UNC13C: variants seen among roughly 807,000 people sequenced by gnomAD.
UNC13C encodes unc-13 homolog C.
UNC13C carries 174 observed loss-of-function variants against 245.4 expected under a neutral mutation model. The observed-to-expected ratio is 0.71, with a 90% CI of 0.63 to 0.80. The LOEUF (loss-of-function observed/expected upper bound fraction) is 0.80, where lower values mean the gene tolerates loss of function less well. Among genes scored for constraint, UNC13C ranks in the 30% least tolerant of loss-of-function variants. UNC13C has a pLI of 0.00. For synonymous variants in UNC13C, 992 were observed against 895.1 expected (o/e 1.11, Z -1.93); for missense variants, 2,829 against 2,602.9 (o/e 1.09, Z -1.89).
chr15:54,092,313 T>G (rs1040594086), intron 2 of UNC13C, among the ~76,000 whole-genome samples: 1 of 152,220 alleles, frequency 6.6e-6, no homozygotes. Flanking sequence ...AGTTTGTTTT[T>G]GGGCTGATAG....
intron 4 of UNC13C, among the ~76,000 whole-genome samples, chr15:54,208,148 T>C (rs191321578): frequency 4.6e-5 from 7 of 151,960 alleles, no homozygotes; most frequent in African/African-American, 7.2e-5. Context: ...AGGAAAAAGA[T>C]AGAAAGAGGA....
intron 10 of UNC13C, among the ~76,000 whole-genome samples, chr15:54,276,515 A>T (rs1299073103): frequency 1.3e-5 from 2 of 152,114 alleles, no homozygotes; most frequent in African/African-American, 2.4e-5. Flanking sequence ...ACAGTGTTCA[A>T]CACATCTAAA....
intron 19 of UNC13C, among the ~76,000 whole-genome samples, chr15:54,477,865 A>C (rs1027855594): frequency 6.7e-6 from 1 of 148,908 alleles, no homozygotes; most frequent in Non-Finnish European, 1.5e-5. Context: ...TATTGATTGG[A>C]ATAGTTTCAG....
intron 4 of UNC13C, among the ~76,000 whole-genome samples, chr15:54,155,685 T>A (rs2032714271): frequency 6.6e-6 from 1 of 152,210 alleles, no homozygotes; most frequent in Non-Finnish European, 1.5e-5. Flanking sequence ...CAATATGGGA[T>A]AAAGAGTAAT....
chr15:54,370,587 C>T (rs571847993), intron 17 of UNC13C, among the ~76,000 whole-genome samples: 5 of 152,210 alleles, frequency 3.3e-5, no homozygotes, highest in East Asian at 3.9e-4. Flanking sequence ...TCCTGCCTCT[C>T]GACTTTCAGA....
rs552476646 is a variant in UNC13C at position 54,021,706 on chromosome 15, G to A, written c.2983+5820G>A. On this transcript the variant is annotated intron_variant, in intron 2 of 32. Coordinates refer to ENST00000260323, the MANE Select transcript of UNC13C (RefSeq NM_001080534.3). ...TCAATTCCTTTGGATATGCAGCCCT[G>A]AGATGCGTAATGACACTTCAGTTGA... is the stretch of plus-strand genomic sequence containing the variant. Among the ~76,000 whole-genome samples the A allele has an allele frequency of 7.2e-5, 11 of 152,298 alleles. 1 individual carries two copies. The South Asian group carries it at 1.7e-3, about 23-fold the overall frequency.
the UNC13C span, among the ~76,000 whole-genome samples, chr15:53,878,763 G>T: frequency 6.6e-6 from 1 of 152,088 alleles, no homozygotes; most frequent in Non-Finnish European, 1.5e-5. Flanking sequence ...ATCACTAAAG[G>T]AAGAAACAAC....
At position 54,118,147 on chromosome 15, in the gene UNC13C, G is replaced by A. The variant is rs150032614; in HGVS notation, c.2984-24871G>A. Among the ~76,000 whole-genome samples, 31 of 151,352 alleles carry A rather than the reference G, an allele frequency of 2.0e-4. 1 individual carries two copies. Among genetic ancestry groups the A allele is most frequent in the African/African-American group, 7.3e-4 (30 of 41,336 alleles). On this transcript the variant is annotated intron_variant, in intron 2 of 32. Transcript: ENST00000260323. Reference sequence around the variant, plus strand: ...TTGCTTTGGCCTTTTGAGTTCTTACGTGGTTCCATATAAATTTTAGAATTG... The same window carrying A: ...TTGCTTTGGCCTTTTGAGTTCTTACATGGTTCCATATAAATTTTAGAATTG...
chr15:54,622,979 C>T (rs1900889437), intron 31 of UNC13C, among the ~76,000 whole-genome samples: 1 of 152,218 alleles, frequency 6.6e-6, no homozygotes, highest in East Asian at 1.9e-4. Flanking sequence ...TTCAGAATTA[C>T]ATTACATATT....
chr15:54,297,428 G>A (rs1332806691), intron 11 of UNC13C, among the ~76,000 whole-genome samples: 1 of 151,834 alleles, frequency 6.6e-6, no homozygotes, highest in African/African-American at 2.4e-5. Context: ...TCATAGCTTA[G>A]TATAACCTCA....
At chr15:53,993,708 G>T (rs115423451) in intron 1 of UNC13C, among the ~76,000 whole-genome samples, 1 of 151,940 alleles carries the variant, frequency 6.6e-6, no homozygotes, top group Non-Finnish European at 1.5e-5. Context: ...TTGTTGTTGT[G>T]TTTTTTTAAT....
At chr15:54,149,983 C>G (rs551316322) in intron 4 of UNC13C, among the ~76,000 whole-genome samples, 2 of 152,280 alleles carry the variant, frequency 1.3e-5, no homozygotes, top group East Asian at 3.9e-4. Context: ...TGAGTATCTG[C>G]AGATTTTGGT....
intron 30 of UNC13C, among the ~76,000 whole-genome samples, chr15:54,617,986 T>C (rs1829531): frequency 0.01 from 1,570 of 152,212 alleles, 29 homozygotes; most frequent in African/African-American, 0.037. Flanking sequence ...GGTTAACTTA[T>C]AGGGGTCATT....
intron 30 of UNC13C, among the ~76,000 whole-genome samples, chr15:54,600,830 G>A (rs1429855500): frequency 6.6e-6 from 1 of 152,014 alleles, no homozygotes; most frequent in Non-Finnish European, 1.5e-5. Flanking sequence ...ATCTAGATGT[G>A]GATGATATAG....
rs190563393 is a variant in UNC13C, at chr15:54,125,825, T to G, written c.2984-17193T>G. ...TGATAGTTTTCTTTGCTTTGAAGTC[T>G]GCTTTATCTAATATTAGCACAGATA... On this transcript the variant is annotated intron_variant, in intron 2 of 32. Transcript: ENST00000260323. Among the ~76,000 whole-genome samples, 6 of 152,352 alleles carry G rather than the reference T, an allele frequency of 3.9e-5. No individual in the cohort carries two copies. The East Asian group carries it at 1.2e-3, about 29-fold the overall frequency.
intron 30 of UNC13C, among the ~76,000 whole-genome samples, chr15:54,581,418 A>T (rs1898196289): frequency 6.6e-6 from 1 of 152,236 alleles, no homozygotes; most frequent in Admixed American, 6.5e-5. Flanking sequence ...CCAGTTCTGA[A>T]GGCTGGGAAG....
chr15:54,571,607 A>G (rs920007218), intron 30 of UNC13C, among the ~76,000 whole-genome samples: 3 of 152,230 alleles, frequency 2.0e-5, no homozygotes, highest in African/African-American at 7.2e-5. Flanking sequence ...ATTTTAACTT[A>G]GATTTTGTTA....
At chr15:54,082,448 T>C (rs950635939) in intron 2 of UNC13C, among the ~76,000 whole-genome samples, 8 of 152,216 alleles carry the variant, frequency 5.3e-5, no homozygotes, top group African/African-American at 1.9e-4. Flanking sequence ...ATGTTTCTTA[T>C]GTGCTTTGTT....
At chr15:54,559,279 C>A (rs1897206649) in intron 29 of UNC13C, among the ~76,000 whole-genome samples, 1 of 151,996 alleles carries the variant, frequency 6.6e-6, no homozygotes, top group Non-Finnish European at 1.5e-5. Flanking sequence ...TCCAGGCAAA[C>A]ATAAGAGCAT....
Sources: gnomAD v4.1 joint callset for allele counts (sites outside exome capture counted in the v4.1 genomes callset) on GRCh38, gnomAD v4.1.1 for gene constraint, MANE v1.5 for transcripts, NCBI Gene and HGNC (gene_info 2026-07-23, HGNC 2026-07-21) for gene names.